KIAA1328: variants seen among roughly 807,000 people sequenced by gnomAD.
KIAA1328 encodes the protein KIAA1328.
KIAA1328 carries 52 observed loss-of-function variants against 68.1 expected under a neutral mutation model. That is an observed-to-expected ratio of 0.76 (90% CI 0.61 to 0.96). The LOEUF (loss-of-function observed/expected upper bound fraction) is 0.96, where lower values mean the gene tolerates loss of function less well. Ranked by LOEUF, KIAA1328 falls within the 40% of genes least tolerant of loss-of-function variation. The probability of loss-of-function intolerance (pLI) is 0.00; values close to 1 mark genes in which losing one functional copy is unlikely to be tolerated. For synonymous variants in KIAA1328, 232 were observed against 239.4 expected (o/e 0.97, Z 0.28); for missense variants, 641 against 677.6 (o/e 0.95, Z 0.60).
At chr18:37,088,591 T>C (rs1046471983) in intron 7 of KIAA1328, among the ~76,000 whole-genome samples, 1 of 152,024 alleles carries the variant, frequency 6.6e-6, no homozygotes, top group Non-Finnish European at 1.5e-5. Context: ...TTTTTAATAC[T>C]ATTCATGTTT....
At chr18:37,013,004 T>G (rs993025500) in intron 6 of KIAA1328, among the ~76,000 whole-genome samples, 4 of 152,180 alleles carry the variant, frequency 2.6e-5, no homozygotes, top group African/African-American at 9.7e-5. Flanking sequence ...GGGAGGTAAT[T>G]CTCTATATTG....
At chr18:37,029,025 G>A (rs914709648) in intron 6 of KIAA1328, among the ~76,000 whole-genome samples, 12 of 152,008 alleles carry the variant, frequency 7.9e-5, no homozygotes, top group Non-Finnish European at 1.8e-4. Context: ...AATTATATTA[G>A]CCTTATAGAA....
chr18:36,946,699 T>G (rs1324915390), intron 5 of KIAA1328, among the ~76,000 whole-genome samples: 2 of 152,202 alleles, frequency 1.3e-5, no homozygotes, highest in African/African-American at 4.8e-5. Flanking sequence ...TAATAAGAAT[T>G]AAATATAATC....
intron 7 of KIAA1328, among the ~76,000 whole-genome samples, chr18:37,073,560 G>T (rs2056608220): frequency 6.6e-6 from 1 of 152,116 alleles, no homozygotes; most frequent in Admixed American, 6.6e-5. Flanking sequence ...TCTCTTTGTT[G>T]TTCAGACTGT....
At chr18:37,009,073 A>G (rs999165463) in intron 6 of KIAA1328, among the ~76,000 whole-genome samples, 1 of 152,196 alleles carries the variant, frequency 6.6e-6, no homozygotes, top group Admixed American at 6.5e-5. Context: ...GACACAAATG[A>G]GGACACACCT....
intron 1 of KIAA1328, among the ~76,000 whole-genome samples, chr18:36,831,357 C>G (rs1044240218): frequency 6.6e-6 from 1 of 151,906 alleles, no homozygotes; most frequent in Admixed American, 6.6e-5. Context: ...CAGTATGATT[C>G]AGCAGTGCTG....
At chr18:36,940,778 C>T (rs1236897557) in intron 5 of KIAA1328, among the ~76,000 whole-genome samples, 6 of 150,544 alleles carry the variant, frequency 4.0e-5, no homozygotes, top group Non-Finnish European at 8.8e-5. Context: ...CGGGTTCAAG[C>T]GATTATCCTG....
intron 5 of KIAA1328, among the ~76,000 whole-genome samples, chr18:36,913,701 T>C (rs1309717136): frequency 6.6e-6 from 1 of 152,184 alleles, no homozygotes; most frequent in African/African-American, 2.4e-5. Flanking sequence ...AAATCTTTTT[T>C]CCTTTACCTC....
chr18:37,084,429 T>C (rs2057038100), intron 7 of KIAA1328: 1 of 344,182 alleles, frequency 2.9e-6, no homozygotes, highest in Non-Finnish European at 5.1e-6. Flanking sequence ...CCTACAACTT[T>C]GAGAGAATCT....
rs2057688714 is a variant in KIAA1328, at chr18:37,103,647, G to T, written c.1232+36102G>T. Among the ~76,000 whole-genome samples, 3 of 152,028 alleles carry T rather than the reference G, an allele frequency of 2.0e-5. No homozygotes were observed. In the South Asian group the frequency reaches 6.2e-4, roughly 32 times the overall value. ...ATCACAGACAACAAAATAAAAACAG[G>T]CAAATGGGTTTGTATTAAACTAAAA... On this transcript the variant is annotated intron_variant, in intron 7 of 9. Coordinates refer to ENST00000280020, the MANE Select transcript of KIAA1328 (RefSeq NM_020776.3).
intron 7 of KIAA1328, among the ~76,000 whole-genome samples, chr18:37,077,285 G>C (rs549501168): frequency 2.0e-5 from 2 of 99,654 alleles, no homozygotes; most frequent in East Asian, 2.3e-4. Context: ...AATTCAACAA[G>C]GCTTCATGCT....
intron 4 of KIAA1328, among the ~76,000 whole-genome samples, chr18:36,875,999 C>T (rs1378940226): frequency 6.6e-6 from 1 of 151,976 alleles, no homozygotes; most frequent in Non-Finnish European, 1.5e-5. Flanking sequence ...ACCAGCCTTG[C>T]ATCCCAGGGA....
At chr18:36,839,376 A>C (rs2046784642) in intron 3 of KIAA1328, among the ~76,000 whole-genome samples, 1 of 152,192 alleles carries the variant, frequency 6.6e-6, no homozygotes, top group Non-Finnish European at 1.5e-5. Flanking sequence ...ATATGAAACA[A>C]TGTAGTTTTA....
At chr18:37,201,032 TG>T (rs2060103943) in intron 9 of KIAA1328, among the ~76,000 whole-genome samples, 1 of 152,128 alleles carries the variant, frequency 6.6e-6, no homozygotes, top group Non-Finnish European at 1.5e-5. Context: ...GAAGGGGAGA[TG>T]TCTCAGTGAG....
At chr18:37,098,695 G>C (rs578143016) in intron 7 of KIAA1328, among the ~76,000 whole-genome samples, 2 of 152,018 alleles carry the variant, frequency 1.3e-5, no homozygotes. Flanking sequence ...CTGTGAATCC[G>C]TCTGGTCCTG....
chr18:37,111,908 A>G (rs1226236809), intron 7 of KIAA1328, among the ~76,000 whole-genome samples: 1 of 152,228 alleles, frequency 6.6e-6, no homozygotes, highest in Non-Finnish European at 1.5e-5. Flanking sequence ...CCATGCCCAC[A>G]GAGCCTCACT....
At chr18:36,984,067 A>T (rs556610486) in intron 6 of KIAA1328, among the ~76,000 whole-genome samples, 22 of 152,268 alleles carry the variant, frequency 1.4e-4, no homozygotes, top group Admixed American at 7.9e-4. Context: ...TAGTGATAAA[A>T]ACCTTTGGCA....
intron 4 of KIAA1328, 101 bp from the exon 5 acceptor site, chr18:36,885,456 G>A (rs546183428): frequency 4.9e-6 from 3 of 608,772 alleles, no homozygotes; most frequent in South Asian, 2.9e-5. Flanking sequence ...TGAAGAATTC[G>A]GCATACCTTT....
intron 5 of KIAA1328, among the ~76,000 whole-genome samples, chr18:36,911,026 C>A (rs1300711434): frequency 6.6e-6 from 1 of 152,050 alleles, no homozygotes; most frequent in Non-Finnish European, 1.5e-5. Context: ...CTACTACTCT[C>A]CAATGGTGGC....
Sources: gnomAD v4.1 joint callset for allele counts (sites outside exome capture counted in the v4.1 genomes callset) on GRCh38, gnomAD v4.1.1 for gene constraint, MANE v1.5 for transcripts, NCBI Gene and HGNC (gene_info 2026-07-23, HGNC 2026-07-21) for gene names.